The following SOX6 variants were observed in gnomAD, a reference collection of about 807,000 sequenced individuals.
SOX6 encodes the protein SRY-box transcription factor 6.
In SOX6, 11 loss-of-function variants were observed where a neutral mutation model predicts 97.8. The observed-to-expected ratio is 0.11, with a 90% CI of 0.07 to 0.19. The LOEUF is 0.19. Ranked by LOEUF, SOX6 falls within the 10% of genes least tolerant of loss-of-function variation. The pLI, the probability that SOX6 is intolerant of heterozygous loss-of-function variation, is 1.00. For missense variants in SOX6, 810 were observed against 1,039.5 expected (o/e 0.78, Z 3.04); for synonymous variants, 360 against 371.4 (o/e 0.97, Z 0.35).
chr11:16,170,250 GA>G (rs1851000000), intron 6 of SOX6, among the ~76,000 whole-genome samples: 1 of 151,938 alleles, frequency 6.6e-6, no homozygotes, highest in South Asian at 2.1e-4. Context: ...AACCTTTACA[GA>G]ATGTGTATAA....
chr11:16,297,742 G>T (rs2134268603), intron 3 of SOX6, among the ~76,000 whole-genome samples: 1 of 152,268 alleles, frequency 6.6e-6, no homozygotes, highest in Admixed American at 6.5e-5. Context: ...CAAGCAGGTT[G>T]TCTGAATCAA....
At chr11:16,027,465 T>C (rs1855245228) in intron 12 of SOX6, among the ~76,000 whole-genome samples, 1 of 152,204 alleles carries the variant, frequency 6.6e-6, no homozygotes, top group Non-Finnish European at 1.5e-5. Flanking sequence ...TACTGATACC[T>C]AATATTTTTT....
At chr11:16,253,346 T>C (rs543547643) in intron 3 of SOX6, among the ~76,000 whole-genome samples, 72 of 121,158 alleles carry the variant, frequency 5.9e-4, no homozygotes, top group Non-Finnish European at 1.0e-3. Flanking sequence ...CAAAATTCCG[T>C]GTCAAAAAAA....
At chr11:16,458,883 A>G (rs1052341714) in intron 1 of SOX6, among the ~76,000 whole-genome samples, 2 of 152,084 alleles carry the variant, frequency 1.3e-5, no homozygotes. Context: ...GTGAACTCTA[A>G]TAACTTCAGT....
intron 1 of SOX6, among the ~76,000 whole-genome samples, chr11:16,389,604 C>G (rs931417872): frequency 1.3e-5 from 2 of 151,304 alleles, no homozygotes; most frequent in Admixed American, 6.6e-5. Flanking sequence ...TGGATTATAT[C>G]TTAGACATTG....
At chr11:16,375,476 TC>T in intron 1 of SOX6, among the ~76,000 whole-genome samples, 1 of 151,656 alleles carries the variant, frequency 6.6e-6, no homozygotes, top group South Asian at 2.1e-4. Flanking sequence ...TCTTGAAACT[TC>T]AAAGCACTAA....
At chr11:16,341,274 G>A in intron 1 of SOX6, 22 bp from the exon 2 acceptor site, 1 of 1,611,102 alleles carries the variant, frequency 6.2e-7, no homozygotes, top group Non-Finnish European at 8.5e-7. Flanking sequence ...AAACAGAACG[G>A]ATTAAAAATG....
chr11:16,586,334 A>G (rs945832034), intron 4 of SOX6, among the ~76,000 whole-genome samples: 9 of 152,180 alleles, frequency 5.9e-5, no homozygotes, highest in Non-Finnish European at 1.2e-4. Context: ...TTAAAGAAAA[A>G]AAGGAAAGAA....
chr11:16,032,250 C>T lies in SOX6; in HGVS notation c.1623+14264G>A, dbSNP rs942787668. Among the ~76,000 whole-genome samples the T allele has an allele frequency of 5.3e-5, 8 of 152,010 alleles. No homozygotes were observed. The South Asian group carries it at 1.7e-3, about 32-fold the overall frequency. ...TAAAAAGTATAGAATTTATATAGAG[C>T]AGAGCTGGTATTTGAACCTAGAGTT... is the stretch of plus-strand genomic sequence containing the variant. On this transcript the variant is annotated intron_variant, in intron 12 of 15. Transcript: ENST00000683767.
rs79993698 is a variant in SOX6 at position 16,178,511 on chromosome 11, T to C, written c.777+5375A>G. Among the ~76,000 whole-genome samples, 68 of 152,020 alleles carry C rather than the reference T, an allele frequency of 4.5e-4. 2 individuals are homozygous for C. The East Asian group carries it at 0.013, about 29-fold the overall frequency. On this transcript the variant is annotated intron_variant, in intron 6 of 15. Transcript: ENST00000683767. ...TAGAGAGAGGAAAGAGGGTCTGTTTTTCCTGGCTAATTCATGATTGAAGAT... is the reference window on the plus strand; with the variant it reads ...TAGAGAGAGGAAAGAGGGTCTGTTTCTCCTGGCTAATTCATGATTGAAGAT...
chr11:16,278,650 G>C (rs1312185348), intron 3 of SOX6, among the ~76,000 whole-genome samples: 2 of 151,488 alleles, frequency 1.3e-5, no homozygotes, highest in East Asian at 3.9e-4. Context: ...AAAAAAAAAA[G>C]AAAGAAATTA....
chr11:16,651,668 T>C (rs1258519883), intron 3 of SOX6, among the ~76,000 whole-genome samples: 4 of 152,130 alleles, frequency 2.6e-5, no homozygotes, highest in Admixed American at 2.0e-4. Context: ...GCCAACATTA[T>C]ACTGAACAGG....
intron 12 of SOX6, among the ~76,000 whole-genome samples, chr11:16,029,390 C>A (rs1428583937): frequency 6.6e-6 from 1 of 151,918 alleles, no homozygotes; most frequent in East Asian, 1.9e-4. Flanking sequence ...GTAATTCCAG[C>A]ACTTTGGGAG....
chr11:16,488,906 G>T (rs1222400444), intron 4 of SOX6, among the ~76,000 whole-genome samples: 1 of 152,116 alleles, frequency 6.6e-6, no homozygotes, highest in Non-Finnish European at 1.5e-5. Context: ...ATGTGCCCAA[G>T]TTTACAGGCA....
intron 6 of SOX6, among the ~76,000 whole-genome samples, chr11:16,153,408 A>G (rs1415725247): frequency 6.6e-6 from 1 of 152,186 alleles, no homozygotes; most frequent in East Asian, 1.9e-4. Flanking sequence ...ATGTCATCCT[A>G]CAAAGCAGTA....
At chr11:16,733,279 T>C (rs544168009) in intron 2 of SOX6, among the ~76,000 whole-genome samples, 1 of 152,240 alleles carries the variant, frequency 6.6e-6, no homozygotes, top group African/African-American at 2.4e-5. Flanking sequence ...GATGCACATG[T>C]ATGTTTATTG....
intron 4 of SOX6, among the ~76,000 whole-genome samples, chr11:16,197,714 C>G (rs1284024383): frequency 6.6e-6 from 1 of 152,190 alleles, no homozygotes; most frequent in Middle Eastern, 3.4e-3. Flanking sequence ...TCAAGATTAT[C>G]TAATGTTTCC....
At chr11:16,639,706 GCTTT>G (rs1848861570) in intron 3 of SOX6, among the ~76,000 whole-genome samples, 1 of 152,084 alleles carries the variant, frequency 6.6e-6, no homozygotes, top group Non-Finnish European at 1.5e-5. Flanking sequence ...TCATGATTTG[GCTTT>G]CTGTTTGTCT....
intron 12 of SOX6, among the ~76,000 whole-genome samples, chr11:16,029,493 G>A (rs1208293588): frequency 4.6e-5 from 7 of 152,026 alleles, no homozygotes; most frequent in Admixed American, 2.6e-4. Flanking sequence ...AAAATTAGCC[G>A]GGCGTGGTAG....
Sources: allele counts gnomAD v4.1 joint callset (sites outside exome capture counted in the v4.1 genomes callset), GRCh38; gene constraint gnomAD v4.1.1; transcripts MANE v1.5; gene names NCBI Gene and HGNC (gene_info 2026-07-23, HGNC 2026-07-21).